Variants in FAM184B observed in about 807,000 individuals in gnomAD.
FAM184B encodes the protein family with sequence similarity 184 member B.
In FAM184B, 111 loss-of-function variants were observed where a neutral mutation model predicts 135.9. That is an observed-to-expected ratio of 0.82 (90% CI 0.70 to 0.96). The LOEUF (loss-of-function observed/expected upper bound fraction) is 0.96. FAM184B is among the 40% of genes least tolerant of loss of function. FAM184B has a pLI of 0.00. For missense variants in FAM184B, 1,375 were observed against 1,323.9 expected (o/e 1.04, Z -0.60); for synonymous variants, 552 against 524.8 (o/e 1.05, Z -0.71).
intron 1 of FAM184B, among the ~76,000 whole-genome samples, chr4:17,777,517 G>A (rs1280004460): frequency 2.6e-5 from 4 of 151,936 alleles, no homozygotes; most frequent in Admixed American, 2.6e-4. Context: ...ATCAAAATTA[G>A]GCAGAAAGAA....
intron 1 of FAM184B, among the ~76,000 whole-genome samples, chr4:17,736,085 T>C (rs1717902575): frequency 6.6e-6 from 1 of 152,208 alleles, no homozygotes; most frequent in Non-Finnish European, 1.5e-5. Context: ...TGAGGCAACA[T>C]CTTCCTATAC....
At chr4:17,687,654 G>A (rs549326904) in intron 7 of FAM184B, among the ~76,000 whole-genome samples, 1 of 152,300 alleles carries the variant, frequency 6.6e-6, no homozygotes, top group East Asian at 1.9e-4. Flanking sequence ...AAGGCACAAA[G>A]ACTCAGAGAC....
At chr4:17,633,589 G>T in intron 17 of FAM184B, 100 bp downstream of exon 17, 1 of 1,100,880 alleles carries the variant, frequency 9.1e-7, no homozygotes, top group Non-Finnish European at 1.2e-6. Context: ...ATGAAAAAAG[G>T]CCTTCTGGAA....
At chr4:17,656,086 C>T (rs531708497) in intron 10 of FAM184B, among the ~76,000 whole-genome samples, 11 of 152,182 alleles carry the variant, frequency 7.2e-5, no homozygotes, top group East Asian at 3.9e-4. Flanking sequence ...TTCCTTTGGC[C>T]GGGACTCAGA....
At chr4:17,699,100 A>T (rs1458391308) in intron 5 of FAM184B, among the ~76,000 whole-genome samples, 1 of 152,126 alleles carries the variant, frequency 6.6e-6, no homozygotes. Flanking sequence ...AAGGCTAAAA[A>T]TTATAATATC....
Position 17,705,825 on chromosome 4 carries a change from C to G in FAM184B, c.1097G>C (p.Gly366Ala), listed in dbSNP as rs151185488. 4.6e-3 allele frequency: 7,097 copies of G among 1,552,084 alleles called. 28 individuals carry two copies. Among genetic ancestry groups the G allele is most frequent in the Admixed American group, 0.016 (796 of 51,012 alleles). Residue 366 changes from glycine to alanine, a missense_variant, in exon 4 of 18, where the codon GGC becomes GCC. Coordinates refer to ENST00000265018, the MANE Select transcript of FAM184B (RefSeq NM_015688.2). Reference protein sequence around the residue: ...VLREENDLEAGNLHPQQDQSC... With the variant: ...VLREENDLEAANLHPQQDQSC... ...TTGATCCTGCTGAGGATGAAGATTG[C>G]CGGCTTCCAAGTCATTCTCTTCCCG...
chr4:17,696,061 A>C (rs1053044949), intron 5 of FAM184B, among the ~76,000 whole-genome samples: 6 of 152,236 alleles, frequency 3.9e-5, no homozygotes, highest in African/African-American at 1.4e-4. Context: ...TGTAGATCTA[A>C]TGGACATGAT....
At chr4:17,734,334 A>T (rs1717856531) in intron 1 of FAM184B, among the ~76,000 whole-genome samples, 1 of 152,172 alleles carries the variant, frequency 6.6e-6, no homozygotes, top group African/African-American at 2.4e-5. Context: ...GACAAGTGGG[A>T]TCTAATTAAA....
chr4:17,645,663 A>G (rs1270989534), intron 12 of FAM184B, among the ~76,000 whole-genome samples: 1 of 152,124 alleles, frequency 6.6e-6, no homozygotes. Context: ...GGACATAGGC[A>G]TGGGCAAGGA....
At chr4:17,635,677 A>AAG (rs201087478) in intron 15 of FAM184B, among the ~76,000 whole-genome samples, 1,366 of 123,926 alleles carry the variant, frequency 0.011, 24 homozygotes, top group African/African-American at 0.07. Context: ...GATTACTTTA[A>AAG]AAAAAAAAAA....
At chr4:17,648,138 C>G (rs1053937303) in intron 11 of FAM184B, among the ~76,000 whole-genome samples, 1 of 152,050 alleles carries the variant, frequency 6.6e-6, no homozygotes, top group East Asian at 1.9e-4. Flanking sequence ...TGGTTCTTCA[C>G]TCTGAACCCC....
At chr4:17,669,359 C>T (rs1473834531) in intron 7 of FAM184B, among the ~76,000 whole-genome samples, 1 of 152,136 alleles carries the variant, frequency 6.6e-6, no homozygotes, top group East Asian at 1.9e-4. Flanking sequence ...TGTGAGTTAC[C>T]TGCCATAAAT....
rs968195639 is a variant in FAM184B at position 17,629,678 on chromosome 4, T to A, written c.*2854A>T. The A allele has an allele frequency of 6.6e-6, 1 of 152,234 alleles. No homozygotes were observed. The highest frequency in any genetic ancestry group is 1.5e-5 in the Non-Finnish European group (1 of 68,050). 9.4% of individuals were successfully genotyped at this position (152,234 alleles called of 1,614,324 possible). A position where few individuals can be genotyped will look rare whatever the true frequency, so the allele number is the denominator to read the frequency against. On this transcript the variant is annotated 3_prime_UTR_variant, in exon 18 of 18. Coordinates refer to ENST00000265018, the MANE Select transcript of FAM184B (RefSeq NM_015688.2). ...TTAACTTAATCCCGAATTGGATAATTTCTCTTCATCTTCACTGTCACCTCT... is the reference window on the plus strand; with the variant it reads ...TTAACTTAATCCCGAATTGGATAATATCTCTTCATCTTCACTGTCACCTCT...
chr4:17,661,228 C>T (rs1239366395), intron 8 of FAM184B, among the ~76,000 whole-genome samples: 1 of 152,150 alleles, frequency 6.6e-6, no homozygotes, highest in Non-Finnish European at 1.5e-5. Flanking sequence ...CTTAAAACAG[C>T]GTCTGGCACA....
At chr4:17,705,662 A>G in intron 4 of FAM184B, 90 bp downstream of exon 4, 1 of 1,448,696 alleles carries the variant, frequency 6.9e-7, no homozygotes, top group Non-Finnish European at 9.3e-7. Context: ...TGGATCCACT[A>G]TGCTTGGGGA....
chr4:17,636,508 G>A lies in FAM184B; in HGVS notation c.2784+20C>T, dbSNP rs369519344. On this transcript the variant is annotated intron_variant, in intron 15 of 17. Transcript: ENST00000265018. Reference sequence around the variant, plus strand: ...GTGCCCGGCCAGGTGCGTGGGTGAGGCGCCCCCTGACAGCCTCACCGTGAG... The same window carrying A: ...GTGCCCGGCCAGGTGCGTGGGTGAGACGCCCCCTGACAGCCTCACCGTGAG... The A allele has an allele frequency of 4.5e-6, 7 of 1,542,910 alleles. No individual in the cohort carries two copies. Among genetic ancestry groups the A allele is most frequent in the Non-Finnish European group, 4.4e-6 (5 of 1,141,340 alleles).
chr4:17,663,928 G>A (rs747081052), intron 8 of FAM184B, among the ~76,000 whole-genome samples: 7 of 151,964 alleles, frequency 4.6e-5, no homozygotes, highest in South Asian at 2.1e-4. Flanking sequence ...CTCACCTGCC[G>A]CCATGTAAGA....
At chr4:17,673,180 T>C (rs1246842370) in intron 7 of FAM184B, among the ~76,000 whole-genome samples, 1 of 151,634 alleles carries the variant, frequency 6.6e-6, no homozygotes, top group Non-Finnish European at 1.5e-5. Flanking sequence ...GAAAAAAAGC[T>C]CAAAATCACT....
chr4:17,758,172 A>G (rs900534974), intron 1 of FAM184B, among the ~76,000 whole-genome samples: 2 of 152,230 alleles, frequency 1.3e-5, no homozygotes, highest in African/African-American at 2.4e-5. Flanking sequence ...TATCTCTAGC[A>G]TATTCCTAGC....
Sources: gnomAD v4.1 joint callset for allele counts (sites outside exome capture counted in the v4.1 genomes callset) on GRCh38, gnomAD v4.1.1 for gene constraint, MANE v1.5 for transcripts, NCBI Gene and HGNC (gene_info 2026-07-23, HGNC 2026-07-21) for gene names.